Variants in CTNND2 observed in about 807,000 individuals in gnomAD.
CTNND2 encodes catenin delta 2, also known as catenin delta-2.
Under a neutral mutation model 144.4 loss-of-function variants are expected in CTNND2, and 22 were observed. That is an observed-to-expected ratio of 0.15 (90% confidence interval 0.11 to 0.22). CTNND2 has a LOEUF of 0.22. Among genes scored for constraint, CTNND2 ranks in the 10% least tolerant of loss-of-function variants. The pLI, the probability that CTNND2 is intolerant of heterozygous loss-of-function variation, is 1.00. For synonymous variants in CTNND2, 751 were observed against 695.6 expected, an observed-to-expected ratio of 1.08 and a Z score of -1.25; for missense variants, 1,353 against 1,618.8, an observed-to-expected ratio of 0.84 and a Z score of 2.82.
intron 13 of CTNND2, among the ~76,000 whole-genome samples, chr5:11,116,385 G>A (rs1753549736): frequency 2.0e-5 from 3 of 152,206 alleles, no homozygotes; most frequent in Non-Finnish European, 2.9e-5. Context: ...ACAGTCACAT[G>A]ACAAAGAATA....
rs201027253 is a variant in CTNND2, at chr5:11,655,261, AT to A, written c.174+76874del. The stretch of plus-strand genomic sequence containing the variant: ...TTTCACATGTAAGAGAGACTTAACT[AT>A]TTTTTTTTTTAGGCAGATAATATTT... On this transcript the variant is annotated intron_variant, in intron 2 of 21. Coordinates refer to ENST00000304623, the MANE Select transcript of CTNND2 (RefSeq NM_001332.4). 4.7e-3 allele frequency among the ~76,000 whole-genome samples: 688 copies of A among 146,650 alleles called. 16 individuals carry two copies. Among genetic ancestry groups the A allele is most frequent in the Admixed American group, 0.032 (465 of 14,636 alleles).
chr5:11,537,109 C>T (rs1357786335), intron 3 of CTNND2, among the ~76,000 whole-genome samples: 1 of 151,870 alleles, frequency 6.6e-6, no homozygotes, highest in Non-Finnish European at 1.5e-5. Flanking sequence ...TTCTGCTACA[C>T]TCCCAATTTT....
At chr5:11,022,714 C>A in intron 17 of CTNND2, 55 bp downstream of exon 17, 1 of 1,377,114 alleles carries the variant, frequency 7.3e-7, no homozygotes, top group Non-Finnish European at 1.0e-6. Flanking sequence ...AGTTGAAAGG[C>A]ACATTCAGAA....
intron 2 of CTNND2, among the ~76,000 whole-genome samples, chr5:11,579,385 G>A (rs1409842668): frequency 1.3e-5 from 2 of 152,120 alleles, no homozygotes; most frequent in African/African-American, 2.4e-5. Context: ...GTGCGGAAGT[G>A]TCTTAATGGA....
intron 3 of CTNND2, among the ~76,000 whole-genome samples, chr5:11,520,436 C>G (rs1257440316): frequency 2.0e-5 from 3 of 152,198 alleles, no homozygotes; most frequent in Non-Finnish European, 4.4e-5. Flanking sequence ...TGGATTTAGC[C>G]ACTCTCTCAA....
intron 18 of CTNND2, among the ~76,000 whole-genome samples, chr5:10,993,101 T>C (rs1372646902): frequency 6.6e-6 from 1 of 152,186 alleles, no homozygotes; most frequent in African/African-American, 2.4e-5. Context: ...AGGACCTATC[T>C]GTTGGCAACC....
At chr5:11,663,154 T>C (rs1040483951) in intron 2 of CTNND2, among the ~76,000 whole-genome samples, 5 of 152,326 alleles carry the variant, frequency 3.3e-5, no homozygotes, top group Admixed American at 6.5e-5. Flanking sequence ...TGGCCTGCCA[T>C]ACATTTGTAC....
At position 11,662,419 on chromosome 5, in the gene CTNND2, G is replaced by C. The variant is rs1447387227; in HGVS notation, c.174+69717C>G. On this transcript the variant is annotated intron_variant, in intron 2 of 21. Transcript: ENST00000304623. Reference sequence around the variant, plus strand: ...CTGAGTCCCAAAGCTGAAGAACTTGGAGTCCAATGTTTGAGGGCAGGAAGT... The same window carrying C: ...CTGAGTCCCAAAGCTGAAGAACTTGCAGTCCAATGTTTGAGGGCAGGAAGT... Among the ~76,000 whole-genome samples the C allele has an allele frequency of 3.3e-5, 5 of 151,706 alleles. No individual in the cohort carries two copies. In the Admixed American group the frequency reaches 3.3e-4, roughly 10 times the overall value.
intron 2 of CTNND2, among the ~76,000 whole-genome samples, chr5:11,631,749 A>G (rs531899440): frequency 3.3e-5 from 5 of 152,298 alleles, no homozygotes; most frequent in African/African-American, 1.2e-4. Context: ...CCCCTGCTGC[A>G]GCATGCTGAG....
chr5:11,651,285 A>C (rs191420967), intron 2 of CTNND2, among the ~76,000 whole-genome samples: 10 of 152,342 alleles, frequency 6.6e-5, no homozygotes, highest in Admixed American at 6.5e-4. Flanking sequence ...CAGTTTCCAC[A>C]TGGTATGAAG....
chr5:11,084,912 C>T (rs1448572604), intron 15 of CTNND2, among the ~76,000 whole-genome samples: 1 of 152,076 alleles, frequency 6.6e-6, no homozygotes, highest in Non-Finnish European at 1.5e-5. Flanking sequence ...ACATTATACC[C>T]CCTCTACCAT....
chr5:11,082,937 G>C, intron 15 of CTNND2, 91 bp from the exon 16 acceptor site: 2 of 1,454,486 alleles, frequency 1.4e-6, no homozygotes, highest in Non-Finnish European at 1.9e-6. Flanking sequence ...GCTGCTTACA[G>C]GAGCCAAAAA....
intron 3 of CTNND2, among the ~76,000 whole-genome samples, chr5:11,472,876 A>T (rs1306341555): frequency 6.6e-6 from 1 of 152,180 alleles, no homozygotes; most frequent in Non-Finnish European, 1.5e-5. Context: ...GTCTAAGAGG[A>T]GAGACCTTTA....
chr5:11,088,120 G>A (rs945996938), intron 15 of CTNND2, among the ~76,000 whole-genome samples: 1 of 152,158 alleles, frequency 6.6e-6, no homozygotes, highest in Non-Finnish European at 1.5e-5. Context: ...AAATATTAGA[G>A]ATGTCATCCT....
chr5:11,680,069 G>C (rs1784358908), intron 2 of CTNND2, among the ~76,000 whole-genome samples: 1 of 152,164 alleles, frequency 6.6e-6, no homozygotes, highest in Non-Finnish European at 1.5e-5. Context: ...GAATTAACTA[G>C]GGGACGTGGG....
intron 14 of CTNND2, among the ~76,000 whole-genome samples, chr5:11,102,693 C>A (rs749144661): frequency 2.0e-5 from 3 of 151,908 alleles, no homozygotes; most frequent in Non-Finnish European, 2.9e-5. Flanking sequence ...AGGTAATGCT[C>A]AAAAATTTTT....
chr5:11,379,804 C>A (rs1350587698), intron 7 of CTNND2, among the ~76,000 whole-genome samples: 6 of 152,134 alleles, frequency 3.9e-5, no homozygotes, highest in Admixed American at 3.9e-4. Context: ...AAGTTTCTAA[C>A]AAGCACATAT....
intron 15 of CTNND2, among the ~76,000 whole-genome samples, chr5:11,091,993 C>T (rs568519043): frequency 6.6e-6 from 1 of 152,132 alleles, no homozygotes; most frequent in Non-Finnish European, 1.5e-5. Context: ...ACTTTGATAT[C>T]TCCCGATTCC....
At chr5:11,303,707 C>T (rs768541241) in intron 9 of CTNND2, among the ~76,000 whole-genome samples, 3 of 152,146 alleles carry the variant, frequency 2.0e-5, no homozygotes, top group Non-Finnish European at 4.4e-5. Context: ...TAATGGGAAA[C>T]CAACCCAGCT....
Sources: gnomAD v4.1 joint callset for allele counts (sites outside exome capture counted in the v4.1 genomes callset) on GRCh38, gnomAD v4.1.1 for gene constraint, MANE v1.5 for transcripts, NCBI Gene and HGNC (gene_info 2026-07-23, HGNC 2026-07-21) for gene names.